The following CLSTN2 variants were observed in gnomAD, a reference collection of about 807,000 sequenced individuals.
The protein encoded by CLSTN2 is calsyntenin-2.
In CLSTN2, 48 loss-of-function variants were observed where a neutral mutation model predicts 101.2. The ratio of observed to expected loss-of-function variants is 0.47; its 90% CI spans 0.38 to 0.60. CLSTN2 has a LOEUF of 0.60. Among genes scored for constraint, CLSTN2 ranks in the 20% least tolerant of loss-of-function variants. The pLI, the probability that CLSTN2 is intolerant of heterozygous loss-of-function variation, is 0.00. For synonymous variants in CLSTN2, 481 were observed against 463.6 expected, an observed-to-expected ratio of 1.04 and a Z score of -0.48; for missense variants, 1,160 against 1,238.2, an observed-to-expected ratio of 0.94 and a Z score of 0.95.
intron 1 of CLSTN2, among the ~76,000 whole-genome samples, chr3:140,153,899 C>A (rs1472584674): frequency 6.6e-6 from 1 of 152,112 alleles, no homozygotes; most frequent in Non-Finnish European, 1.5e-5. Context: ...ATGTCTGAAG[C>A]TTTTCTGATC....
At chr3:140,559,057 T>C (rs1316695423) in intron 12 of CLSTN2, among the ~76,000 whole-genome samples, 200 bp downstream of exon 12, 1 of 151,590 alleles carries the variant, frequency 6.6e-6, no homozygotes, top group Non-Finnish European at 1.5e-5. Flanking sequence ...GGCTTAGCAA[T>C]GAGGGATATG....
At chr3:140,517,988 C>T (rs964588924) in intron 8 of CLSTN2, among the ~76,000 whole-genome samples, 8 of 152,040 alleles carry the variant, frequency 5.3e-5, no homozygotes, top group South Asian at 2.1e-4. Context: ...TCCGTGGATG[C>T]GGCTTGCTGT....
At chr3:140,059,255 G>T (rs531324824) in intron 1 of CLSTN2, among the ~76,000 whole-genome samples, 20 of 152,348 alleles carry the variant, frequency 1.3e-4, no homozygotes, top group African/African-American at 4.3e-4. Context: ...CCCATGATAA[G>T]TGTCCTAAGA....
intron 1 of CLSTN2, among the ~76,000 whole-genome samples, chr3:140,105,323 T>G (rs115926092): frequency 1.4e-3 from 213 of 152,342 alleles, no homozygotes; most frequent in African/African-American, 4.9e-3. Flanking sequence ...GATGCCCAAG[T>G]GAGCACAGTT....
chr3:140,261,987 C>T (rs1413455957), intron 2 of CLSTN2, among the ~76,000 whole-genome samples: 1 of 152,150 alleles, frequency 6.6e-6, no homozygotes, highest in East Asian at 1.9e-4. Flanking sequence ...TACCACCAGG[C>T]TAATTAGTAT....
At chr3:140,061,864 G>A (rs1441407519) in intron 1 of CLSTN2, among the ~76,000 whole-genome samples, 2 of 152,190 alleles carry the variant, frequency 1.3e-5, no homozygotes, top group Admixed American at 1.3e-4. Context: ...TTAGCTAAAA[G>A]GTCAATTCTT....
At chr3:140,125,121 C>A (rs2009408299) in intron 1 of CLSTN2, among the ~76,000 whole-genome samples, 1 of 151,980 alleles carries the variant, frequency 6.6e-6, no homozygotes, top group Non-Finnish European at 1.5e-5. Flanking sequence ...AGGAACAGAG[C>A]CCAACTTTAG....
chr3:140,135,074 T>G (rs2107805904), intron 1 of CLSTN2, among the ~76,000 whole-genome samples: 1 of 129,318 alleles, frequency 7.7e-6, no homozygotes, highest in South Asian at 2.7e-4. Context: ...TCCAGGGTGA[T>G]GCCTCTCAAA....
At chr3:140,441,579 G>A (rs1386819697) in intron 5 of CLSTN2, among the ~76,000 whole-genome samples, 2 of 152,244 alleles carry the variant, frequency 1.3e-5, no homozygotes, top group Non-Finnish European at 2.9e-5. Context: ...CTGGTAAGCA[G>A]AGAAGGCAGG....
chr3:140,357,260 C>T (rs567310161), intron 2 of CLSTN2, among the ~76,000 whole-genome samples: 72 of 152,244 alleles, frequency 4.7e-4, no homozygotes, highest in Admixed American at 2.8e-3. Context: ...TTATAGCCCA[C>T]GAATCTTCTA....
At chr3:140,353,731 C>A (rs768795223) in intron 2 of CLSTN2, among the ~76,000 whole-genome samples, 4 of 152,074 alleles carry the variant, frequency 2.6e-5, no homozygotes, top group Non-Finnish European at 5.9e-5. Context: ...CTGAGATGGC[C>A]AAAATAAAAT....
chr3:140,079,891 G>T (rs1173693555), intron 1 of CLSTN2, among the ~76,000 whole-genome samples: 1 of 152,122 alleles, frequency 6.6e-6, no homozygotes, highest in East Asian at 1.9e-4. Flanking sequence ...GATGAATAAT[G>T]GTTTTTATGT....
intron 2 of CLSTN2, among the ~76,000 whole-genome samples, chr3:140,190,728 CAT>C (rs565551028): frequency 2.0e-5 from 3 of 152,090 alleles, no homozygotes; most frequent in Non-Finnish European, 4.4e-5. Flanking sequence ...TTACTGCTGA[CAT>C]ATAGACATAC....
intron 9 of CLSTN2, among the ~76,000 whole-genome samples, chr3:140,537,460 G>C (rs553923497): frequency 6.6e-6 from 1 of 152,192 alleles, no homozygotes; most frequent in African/African-American, 2.4e-5. Flanking sequence ...TCTCTCAATT[G>C]TAGGGAAAGG....
intron 1 of CLSTN2, among the ~76,000 whole-genome samples, chr3:140,115,760 A>G (rs1406135544): frequency 6.6e-6 from 1 of 152,226 alleles, no homozygotes; most frequent in African/African-American, 2.4e-5. Flanking sequence ...GTCTTCACTG[A>G]GAAAACGTCC....
intron 1 of CLSTN2, among the ~76,000 whole-genome samples, chr3:139,952,220 A>G (rs1420752343): frequency 6.6e-6 from 1 of 152,232 alleles, no homozygotes; most frequent in Admixed American, 6.5e-5. Context: ...TATTTCTGAA[A>G]TGAGAAGACC....
intron 2 of CLSTN2, among the ~76,000 whole-genome samples, chr3:140,358,854 A>G (rs2087699851): frequency 6.6e-6 from 1 of 152,018 alleles, no homozygotes; most frequent in African/African-American, 2.4e-5. Context: ...GTAGGTAACA[A>G]TGCAACAGGG....
intron 2 of CLSTN2, among the ~76,000 whole-genome samples, chr3:140,272,004 C>T (rs1015289646): frequency 3.3e-5 from 5 of 152,122 alleles, no homozygotes; most frequent in East Asian, 1.9e-4. Context: ...GTGATAATAG[C>T]GGTGTTTAGA....
At chr3:140,372,843 C>T (rs2087873288) in intron 2 of CLSTN2, among the ~76,000 whole-genome samples, 1 of 152,032 alleles carries the variant, frequency 6.6e-6, no homozygotes, top group Non-Finnish European at 1.5e-5. Flanking sequence ...CTTCAGGAGG[C>T]CAAGGTGGGA....
Sources: allele counts gnomAD v4.1 joint callset (sites outside exome capture counted in the v4.1 genomes callset), GRCh38; gene constraint gnomAD v4.1.1; transcripts MANE v1.5; gene names NCBI Gene and HGNC (gene_info 2026-07-23, HGNC 2026-07-21).